UBXN4: variants seen among roughly 807,000 people sequenced by gnomAD.
UBXN4 encodes the protein UBX domain-containing protein 4.
Under a neutral mutation model 66.2 loss-of-function variants are expected in UBXN4, and 35 were observed. The ratio of observed to expected loss-of-function variants is 0.53; its 90% CI spans 0.40 to 0.70. The LOEUF (loss-of-function observed/expected upper bound fraction) is 0.70, where lower values mean the gene tolerates loss of function less well. UBXN4 is among the 30% of genes least tolerant of loss of function. The pLI is 0.00. For missense variants in UBXN4, 533 were observed against 599.8 expected (o/e 0.89, Z 1.16); for synonymous variants, 203 against 204.5 (o/e 0.99, Z 0.06).
intron 6 of UBXN4, among the ~76,000 whole-genome samples, chr2:135,767,014 T>G (rs533459158): frequency 4.0e-5 from 6 of 150,040 alleles, no homozygotes; most frequent in Non-Finnish European, 8.9e-5. Context: ...CCCCGCCCCC[T>G]TTTTCCAGTA....
chr2:135,747,968 C>T (rs1299307126), intron 1 of UBXN4: 10 of 348,002 alleles, frequency 2.9e-5, no homozygotes, highest in Admixed American at 4.5e-5. Context: ...CCCAAATAGG[C>T]ACTGCACCGA....
intron 5 of UBXN4, among the ~76,000 whole-genome samples, chr2:135,760,860 C>G (rs1381648008): frequency 1.3e-5 from 2 of 152,186 alleles, no homozygotes; most frequent in Non-Finnish European, 2.9e-5. Flanking sequence ...AATACTCCCA[C>G]TTTGTTGATT....
intron 2 of UBXN4, among the ~76,000 whole-genome samples, chr2:135,749,716 G>A (rs2077230523): frequency 6.6e-6 from 1 of 152,120 alleles, no homozygotes; most frequent in Admixed American, 6.5e-5. Context: ...TAACCAGCCA[G>A]TGTTCGACTT....
intron 1 of UBXN4, among the ~76,000 whole-genome samples, chr2:135,747,318 A>T (rs2077213915): frequency 7.0e-6 from 1 of 143,878 alleles, no homozygotes; most frequent in Non-Finnish European, 1.5e-5. Context: ...ATTGCACTAC[A>T]ACCTGAGCGA....
chr2:135,762,238 C>G (rs956965658), intron 6 of UBXN4, among the ~76,000 whole-genome samples: 2 of 152,218 alleles, frequency 1.3e-5, no homozygotes. Context: ...TGGGCAAGAA[C>G]TTCAGCTTAT....
intron 5 of UBXN4, among the ~76,000 whole-genome samples, chr2:135,757,061 T>A (rs985278653): frequency 6.6e-6 from 1 of 152,234 alleles, no homozygotes; most frequent in African/African-American, 2.4e-5. Context: ...CTGTGTTTGG[T>A]TTGCCTAGTT....
At chr2:135,752,370 CAG>C (rs1201552152) in intron 2 of UBXN4, among the ~76,000 whole-genome samples, 1 of 152,050 alleles carries the variant, frequency 6.6e-6, no homozygotes, top group African/African-American at 2.4e-5. Flanking sequence ...TTAGTAGAGA[CAG>C]GGTTTCGCCA....
Position 135,772,644 on chromosome 2 carries a change from G to A in UBXN4, c.950+97G>A, listed in dbSNP as rs1417626727. 7 of 1,475,824 alleles carry A rather than the reference G, an allele frequency of 4.7e-6. No homozygotes were observed. The Admixed American group carries it at 1.3e-4, about 28-fold the overall frequency. 91.4% of individuals were successfully genotyped at this position (1,475,824 alleles called of 1,614,324 possible). ...ACACTGATGTATACTGTGGTTATAA[G>A]CAGTCCATTCCAGAGGGACATATTA... On this transcript the variant is annotated intron_variant, in intron 9 of 12. Coordinates refer to ENST00000272638, the MANE Select transcript of UBXN4 (RefSeq NM_014607.4).
At chr2:135,778,834 A>G (rs2077433283) in intron 10 of UBXN4, 114 bp from the exon 11 acceptor site, 1 of 1,163,302 alleles carries the variant, frequency 8.6e-7, no homozygotes, top group Non-Finnish European at 1.2e-6. Context: ...TTGAGTTTAC[A>G]TGTAATGAAC....
At chr2:135,745,715 T>C (rs2077203148) in intron 1 of UBXN4, among the ~76,000 whole-genome samples, 1 of 152,146 alleles carries the variant, frequency 6.6e-6, no homozygotes, top group African/African-American at 2.4e-5. Flanking sequence ...ATTTGGAATC[T>C]TAATCTCTCC....
At position 135,780,244 on chromosome 2, in the gene UBXN4, G is replaced by T; in HGVS notation, c.1247G>T (p.Gly416Val). Residue 416 changes from glycine (G) to valine (V), a missense_variant, in exon 12 of 13, where the codon GGA (glycine) becomes GTA (valine). Physicochemically the swap from Gly to Val is moderately radical, Grantham distance 109 (BLOSUM62 -3). This residue lies in a region of UBXN4 where 529 missense variants were observed against 580.1 expected (regional missense o/e 0.91). Transcript: ENST00000272638. ...AGCGGAGACATTTGGACCTTGTTGG[G>T]AACAGTGCTTTATCCATTCCTTGCC... ...SSSGDIWTLL[G>V]TVLYPFLAIW... The T allele has an allele frequency of 6.2e-7, 1 of 1,614,044 alleles. No homozygotes were observed. Among genetic ancestry groups the T allele is most frequent in the Non-Finnish European group, 8.5e-7 (1 of 1,179,998 alleles).
intron 1 of UBXN4, among the ~76,000 whole-genome samples, chr2:135,747,948 T>C (rs1166596409): frequency 6.6e-6 from 1 of 152,220 alleles, no homozygotes; most frequent in Non-Finnish European, 1.5e-5. Context: ...TAAAATCTTA[T>C]GTACAAAAGC....
intron 6 of UBXN4, among the ~76,000 whole-genome samples, chr2:135,766,250 CA>C (rs1262045946): frequency 6.6e-6 from 1 of 151,576 alleles, no homozygotes; most frequent in Non-Finnish European, 1.5e-5. Context: ...CAAATTAAAA[CA>C]AACTTGCGTT....
intron 1 of UBXN4, among the ~76,000 whole-genome samples, chr2:135,742,327 C>T (rs1054749850): frequency 1.3e-5 from 2 of 152,174 alleles, no homozygotes; most frequent in Admixed American, 1.3e-4. Flanking sequence ...TACAGTGGGC[C>T]TGGCCCCACC....
Position 135,769,760 on chromosome 2 carries a change from T to G in UBXN4, c.603-9T>G. On this transcript the variant is annotated splice_polypyrimidine_tract_variant and intron_variant, in intron 6 of 12. Coordinates refer to ENST00000272638, the MANE Select transcript of UBXN4 (RefSeq NM_014607.4). ...TCAATTAGTGGTGGTTTTTTTTTTT[T>G]TAATACAGACTAACAAAAAAACTTG... 1 of 1,568,234 alleles carries G rather than the reference T, an allele frequency of 6.4e-7. No homozygotes were observed. Among genetic ancestry groups the G allele is most frequent in the Non-Finnish European group, 8.6e-7 (1 of 1,164,036 alleles).
chr2:135,742,084 G>C (rs2105487435), intron 1 of UBXN4, 73 bp downstream of exon 1: 2 of 1,525,038 alleles, frequency 1.3e-6, no homozygotes, highest in South Asian at 2.4e-5. Context: ...GTATACCTCA[G>C]CCGCCGGCCC....
chr2:135,754,992 C>T (rs1169091494), intron 4 of UBXN4, among the ~76,000 whole-genome samples: 1 of 151,998 alleles, frequency 6.6e-6, no homozygotes, highest in African/African-American at 2.4e-5. Context: ...CCATGTTGGC[C>T]AGGCTGGTCT....
rs542541956 is a variant in UBXN4 at position 135,742,237 on chromosome 2, G to T, written c.82+226G>T. ...CGCCCTGCTCCTTCAGGCCCCGGGC[G>T]CCCCCAGCCTTTCCTCAGTGTCTGC... On this transcript the variant is annotated intron_variant, in intron 1 of 12. Transcript: ENST00000272638. 3.9e-5 allele frequency among the ~76,000 whole-genome samples: 6 copies of T among 152,272 alleles called. No individual in the cohort carries two copies. In the East Asian group the frequency reaches 1.2e-3, roughly 30 times the overall value.
At chr2:135,759,100 G>T (rs1007802124) in intron 5 of UBXN4, among the ~76,000 whole-genome samples, 1 of 152,188 alleles carries the variant, frequency 6.6e-6, no homozygotes, top group Non-Finnish European at 1.5e-5. Context: ...ATATTCTAAA[G>T]TAGAGAGAAC....
Sources: allele counts gnomAD v4.1 joint callset (sites outside exome capture counted in the v4.1 genomes callset), GRCh38; gene constraint gnomAD v4.1.1; regional missense constraint gnomAD v4.1.1; transcripts MANE v1.5; gene names NCBI Gene and HGNC (gene_info 2026-07-23, HGNC 2026-07-21).